The following KLC1 variants were observed in gnomAD, a reference collection of about 807,000 sequenced individuals.
The protein encoded by KLC1 is kinesin 2 60/70kDa.
Under a neutral mutation model 84.2 loss-of-function variants are expected in KLC1, and 30 were observed. The ratio of observed to expected loss-of-function variants is 0.36; its 90% CI spans 0.27 to 0.48. The LOEUF (loss-of-function observed/expected upper bound fraction) is 0.48, where lower values mean the gene tolerates loss of function less well. Among genes scored for constraint, KLC1 ranks in the 20% least tolerant of loss-of-function variants. KLC1 has a pLI of 0.99. For synonymous variants in KLC1, 289 were observed against 293.3 expected (o/e 0.99, Z 0.15); for missense variants, 499 against 805.4 (o/e 0.62, Z 4.60).
chr14:103,701,181 C>T lies in KLC1; in HGVS notation c.*2-20C>T. The T allele has an allele frequency of 6.4e-7, 1 of 1,550,616 alleles. No homozygotes were observed. The highest frequency in any genetic ancestry group is 8.7e-7 in the Non-Finnish European group (1 of 1,146,296). ...TCAGGTTTTGGCGGCCCAGCCCTGA[C>T]CTTCTATCTTCTCTTGCAGTGACCC... On this transcript the variant is annotated intron_variant, in intron 16 of 16. Transcript: ENST00000334553.
intron 15 of KLC1, chr14:103,700,445 GAC>G (rs1166603267): frequency 4.1e-6 from 2 of 484,218 alleles, no homozygotes; most frequent in Non-Finnish European, 7.3e-6. Flanking sequence ...GGGGGAGGGT[GAC>G]ACAGCTGCTC....
intron 14 of KLC1, 81 bp downstream of exon 14, chr14:103,687,292 C>T: frequency 1.5e-6 from 2 of 1,361,900 alleles, no homozygotes; most frequent in Admixed American, 2.2e-5. Flanking sequence ...CCTTCCTCAC[C>T]CACAGACTTG....
chr14:103,632,998 A>G (rs1342283249), intron 1 of KLC1, among the ~76,000 whole-genome samples: 1 of 151,980 alleles, frequency 6.6e-6, no homozygotes. Context: ...AGGTTAGGAA[A>G]GGCCTTGAAT....
rs190411429 is a variant in KLC1, at chr14:103,701,500, G to C, written c.*301G>C. 2.5e-6 allele frequency: 1 copy of C among 392,910 alleles called. No individual in the cohort carries two copies. The highest frequency in any genetic ancestry group is 4.5e-6 in the Non-Finnish European group (1 of 219,882). The allele number at this position is 392,910 out of a possible 1,614,324, so 24.3% of individuals were successfully genotyped here. A position where few individuals can be genotyped will look rare whatever the true frequency, so the allele number is the denominator to read the frequency against. The stretch of plus-strand genomic sequence containing the variant: ...ACTTCCTCACGTTGTGTGCGATAAC[G>C]TATTTTATTGTACATTTTTTTAAAT... On this transcript the variant is annotated 3_prime_UTR_variant, in exon 17 of 17. Transcript: ENST00000334553.
intron 1 of KLC1, among the ~76,000 whole-genome samples, chr14:103,640,763 T>C (rs2077427557): frequency 6.6e-6 from 1 of 152,174 alleles, no homozygotes; most frequent in African/African-American, 2.4e-5. Flanking sequence ...AAATAAACTT[T>C]TAATTTTAGA....
chr14:103,691,287 T>C (rs1257042247), intron 14 of KLC1, among the ~76,000 whole-genome samples: 1 of 150,752 alleles, frequency 6.6e-6, no homozygotes, highest in African/African-American at 2.5e-5. Context: ...GCCTCCAGAG[T>C]AGCTGGGATT....
chr14:103,700,623 C>T, intron 15 of KLC1, 32 bp from the exon 16 acceptor site: 1 of 1,589,226 alleles, frequency 6.3e-7, no homozygotes, highest in Non-Finnish European at 8.6e-7. Context: ...CCTGCACGCC[C>T]TGAGTGAAAC....
intron 2 of KLC1, 127 bp downstream of exon 2, chr14:103,654,952 C>T (rs371986495): frequency 3.2e-5 from 35 of 1,091,088 alleles, no homozygotes; most frequent in South Asian, 3.1e-4. Context: ...AGGCCGAGTG[C>T]GGTGTGGCTC....
chr14:103,696,020 G>A (rs1227801529), intron 15 of KLC1: 1 of 984,902 alleles, frequency 1.0e-6, no homozygotes, highest in African/African-American at 1.8e-5. Flanking sequence ...GTGTGTGGTC[G>A]TTCTGGTGAG....
intron 13 of KLC1, chr14:103,684,854 G>A: frequency 1.5e-6 from 1 of 675,362 alleles, no homozygotes; most frequent in Non-Finnish European, 2.8e-6. Flanking sequence ...TGAACAGCAG[G>A]GGCTGCACTG....
In KLC1 at chr14:103,698,582, C is replaced by T. The variant is rs2082776053; in HGVS notation, c.1849-2073C>T. ...CCAGGTACCCAGCAAGCGGGCCTGTCCCCAGACCCAGGGAGAGGCAGAACA... is the reference window on the plus strand; with the variant it reads ...CCAGGTACCCAGCAAGCGGGCCTGTTCCCAGACCCAGGGAGAGGCAGAACA... On this transcript the variant is annotated intron_variant, in intron 15 of 16. Coordinates refer to ENST00000334553, the MANE Select transcript of KLC1 (RefSeq NM_001394837.1). 11 of 600,006 alleles carry T rather than the reference C, an allele frequency of 1.8e-5. No individual in the cohort carries two copies. The South Asian group carries it at 2.1e-4, about 12-fold the overall frequency. The allele number at this position is 600,006 out of a possible 1,614,324, so 37.2% of individuals were successfully genotyped here. A position where few individuals can be genotyped will look rare whatever the true frequency, so the allele number is the denominator to read the frequency against.
intron 15 of KLC1, chr14:103,699,947 TCAG>T: frequency 2.9e-6 from 1 of 339,934 alleles, no homozygotes; most frequent in Admixed American, 4.1e-5. Context: ...CCCTCACAGG[TCAG>T]CAGCAACCAG....
At chr14:103,643,948 G>A (rs1224824035) in intron 1 of KLC1, among the ~76,000 whole-genome samples, 2 of 152,028 alleles carry the variant, frequency 1.3e-5, no homozygotes, top group African/African-American at 4.8e-5. Context: ...GGGCACGGTG[G>A]CTCACGCCTG....
chr14:103,640,574 A>G (rs1002629902), intron 1 of KLC1, among the ~76,000 whole-genome samples: 4 of 150,394 alleles, frequency 2.7e-5, no homozygotes, highest in African/African-American at 9.8e-5. Flanking sequence ...GTTAACCAGG[A>G]TGGTCTCGAT....
chr14:103,650,954 A>G (rs2078385873), intron 1 of KLC1, among the ~76,000 whole-genome samples: 1 of 152,106 alleles, frequency 6.6e-6, no homozygotes, highest in Non-Finnish European at 1.5e-5. Context: ...TTGTTTCTGC[A>G]TCAAACTTGA....
In KLC1 at chr14:103,677,534, C is replaced by T. The variant is rs369366490; in HGVS notation, c.1488+11C>T. On this transcript the variant is annotated intron_variant, in intron 12 of 16. Transcript: ENST00000334553. Reference sequence around the variant, plus strand: ...AGGTCTCGTAAACAGGTTAGTCATACTTCTGTCCTTAACCGGCCCATGGGA... The same window carrying T: ...AGGTCTCGTAAACAGGTTAGTCATATTTCTGTCCTTAACCGGCCCATGGGA... 4.1e-5 allele frequency: 63 copies of T among 1,548,132 alleles called. No homozygotes were observed. Among genetic ancestry groups the T allele is most frequent in the Non-Finnish European group, 5.4e-5 (60 of 1,121,080 alleles).
At chr14:103,641,029 A>G (rs965339396) in intron 1 of KLC1, among the ~76,000 whole-genome samples, 6 of 151,900 alleles carry the variant, frequency 3.9e-5, no homozygotes, top group Admixed American at 6.6e-5. Flanking sequence ...GGTTCCAGCA[A>G]TTCTCCTGCC....
At chr14:103,662,990 C>G in intron 5 of KLC1, 63 bp downstream of exon 5, 1 of 1,104,048 alleles carries the variant, frequency 9.1e-7, no homozygotes, top group Non-Finnish European at 1.3e-6. Context: ...CCATCTTGCC[C>G]CTTAAAATAT....
intron 13 of KLC1, chr14:103,686,044 G>C: frequency 2.9e-6 from 3 of 1,038,852 alleles, no homozygotes; most frequent in Non-Finnish European, 3.5e-6. Context: ...CGTGCTCCGT[G>C]GTACTTAGAG....
Sources: allele counts gnomAD v4.1 joint callset (sites outside exome capture counted in the v4.1 genomes callset), GRCh38; gene constraint gnomAD v4.1.1; transcripts MANE v1.5; gene names NCBI Gene and HGNC (gene_info 2026-07-23, HGNC 2026-07-21).